BTC: variants seen among roughly 807,000 people sequenced by gnomAD.
The protein encoded by BTC is betacellulin, also known as probetacellulin.
Under a neutral mutation model 18.1 loss-of-function variants are expected in BTC, and 13 were observed. The observed-to-expected ratio is 0.72, with a 90% CI of 0.47 to 1.14. The LOEUF (loss-of-function observed/expected upper bound fraction) is 1.14, where lower values mean the gene tolerates loss of function less well. BTC is among the 50% of genes most tolerant of loss of function. The pLI, the probability that BTC is intolerant of heterozygous loss-of-function variation, is 0.00. For synonymous variants in BTC, 83 were observed against 79.4 expected, an observed-to-expected ratio of 1.05 and a Z score of -0.24; for missense variants, 247 against 224.2, an observed-to-expected ratio of 1.10 and a Z score of -0.65.
rs574312284 is a variant in BTC, at chr4:74,794,310, G to A, written c.16C>T (p.Arg6Trp). The change falls in exon 1 of 6, where the codon CGG (arginine) becomes TGG (tryptophan). Residue 6 changes from arginine (R) to tryptophan (W), a missense_variant. Physicochemically the swap from Arg to Trp is moderately radical, Grantham distance 101. Transcript: ENST00000395743. MDRAARCSGASSLPLL... is the reference protein window; with the variant it reads MDRAAWCSGASSLPLL... Reference sequence around the variant, plus strand: ...GGCAGGGAGCTGGCGCCGCTGCACCGGGCGGCCCGGTCCATCAACCCCGCT... The same window carrying A: ...GGCAGGGAGCTGGCGCCGCTGCACCAGGCGGCCCGGTCCATCAACCCCGCT... 5.2e-6 allele frequency: 8 copies of A among 1,547,496 alleles called. No homozygotes were observed. Among genetic ancestry groups the A allele is most frequent in the Admixed American group, 2.0e-5 (1 of 50,862 alleles).
At chr4:74,787,356 T>C (rs928527466) in intron 1 of BTC, among the ~76,000 whole-genome samples, 1 of 152,206 alleles carries the variant, frequency 6.6e-6, no homozygotes, top group East Asian at 1.9e-4. Context: ...TTCATGGTTA[T>C]TTGACCTTGT....
chr4:74,780,916 A>G (rs1403816476), intron 1 of BTC, among the ~76,000 whole-genome samples: 2 of 144,558 alleles, frequency 1.4e-5, no homozygotes, highest in Admixed American at 1.4e-4. Flanking sequence ...TTTTAATTTT[A>G]TTATTATTAT....
intron 4 of BTC, among the ~76,000 whole-genome samples, chr4:74,748,746 T>C (rs1357808450): frequency 6.6e-6 from 1 of 152,174 alleles, no homozygotes; most frequent in Non-Finnish European, 1.5e-5. Context: ...ACACGTAGTG[T>C]AAAAGAAACA....
intron 2 of BTC, among the ~76,000 whole-genome samples, chr4:74,766,104 A>G (rs1226369635): frequency 3.3e-5 from 5 of 152,116 alleles, no homozygotes; most frequent in South Asian, 2.1e-4. Flanking sequence ...TGCAAATAGT[A>G]TATCTGTATA....
chr4:74,772,656 A>G (rs1401898096), intron 1 of BTC, among the ~76,000 whole-genome samples: 1 of 152,004 alleles, frequency 6.6e-6, no homozygotes, highest in Non-Finnish European at 1.5e-5. Context: ...TGAGAACAAA[A>G]AAAAAAAAAA....
At chr4:74,746,918 A>G (rs1225135812) in intron 5 of BTC, among the ~76,000 whole-genome samples, 1 of 152,218 alleles carries the variant, frequency 6.6e-6, no homozygotes, top group Non-Finnish European at 1.5e-5. Flanking sequence ...CTCATACTGG[A>G]TGTAAACGAG....
chr4:74,760,202 G>A (rs1170069216), intron 2 of BTC, among the ~76,000 whole-genome samples: 2 of 152,146 alleles, frequency 1.3e-5, no homozygotes, highest in African/African-American at 2.4e-5. Flanking sequence ...AATGGTTATA[G>A]CCTTATAGTA....
chr4:74,759,093 A>G (rs192537405), intron 2 of BTC, among the ~76,000 whole-genome samples: 3 of 152,168 alleles, frequency 2.0e-5, no homozygotes, highest in African/African-American at 7.2e-5. Flanking sequence ...GTATTCATCA[A>G]GTTCATGTTA....
At chr4:74,792,008 A>ACAC (rs1560728322) in intron 1 of BTC, among the ~76,000 whole-genome samples, 1,797 of 105,382 alleles carry the variant, frequency 0.017, 14 homozygotes, top group East Asian at 0.032. Flanking sequence ...CACACACACA[A>ACAC]ACACTAGTGT....
Position 74,755,897 on chromosome 4 carries a change from T to C in BTC, c.243A>G (p.Arg81=). ...KQYKHYCIKG[R]CRFVVAEQTP... The stretch of plus-strand genomic sequence containing the variant: ...TCTGCTCGGCCACCACGAAGCGGCA[T>C]CTCCCTTTGATGCAGTAATGCTTGT... Residue 81 remains arginine (R), a synonymous_variant, in exon 3 of 6, where the codon AGA becomes AGG. Coordinates refer to ENST00000395743, the MANE Select transcript of BTC (RefSeq NM_001729.4). 6.2e-7 allele frequency: 1 copy of C among 1,614,176 alleles called. No individual in the cohort carries two copies. The highest frequency in any genetic ancestry group is 8.5e-7 in the Non-Finnish European group (1 of 1,180,010).
chr4:74,756,535 C>G (rs1366139642), intron 2 of BTC, among the ~76,000 whole-genome samples: 1 of 152,182 alleles, frequency 6.6e-6, no homozygotes, highest in Non-Finnish European at 1.5e-5. Context: ...CAAGATCACA[C>G]AGATAGAAAG....
intron 1 of BTC, among the ~76,000 whole-genome samples, chr4:74,776,165 T>C (rs1192526125): frequency 6.9e-6 from 1 of 145,374 alleles, no homozygotes; most frequent in African/African-American, 2.8e-5. Flanking sequence ...TAGCTCTGTT[T>C]TGTGGCATTT....
rs572943104 is a variant in BTC, at chr4:74,745,647, T to A, written c.*1030A>T. ...CAAAATTTACCTGAGAGCAATCATA[T>A]ATGCTGTCATCAAGAACATAAATGA... On this transcript the variant is annotated 3_prime_UTR_variant, in exon 6 of 6. Coordinates refer to ENST00000395743, the MANE Select transcript of BTC (RefSeq NM_001729.4). 2 of 152,280 alleles carry A rather than the reference T, an allele frequency of 1.3e-5. No homozygotes were observed. Among genetic ancestry groups the A allele is most frequent in the East Asian group, 3.9e-4 (2 of 5,180 alleles). 9.4% of individuals were successfully genotyped at this position (152,280 alleles called of 1,614,324 possible).
intron 2 of BTC, among the ~76,000 whole-genome samples, chr4:74,769,772 G>T (rs1052923266): frequency 6.6e-6 from 1 of 152,138 alleles, no homozygotes; most frequent in Non-Finnish European, 1.5e-5. Context: ...CTGACTGGAG[G>T]CTCTAGAATC....
At chr4:74,784,541 G>C (rs1230967235) in intron 1 of BTC, among the ~76,000 whole-genome samples, 1 of 152,148 alleles carries the variant, frequency 6.6e-6, no homozygotes, top group South Asian at 2.1e-4. Context: ...TGCCCATTCA[G>C]TATGATACCG....
intron 1 of BTC, among the ~76,000 whole-genome samples, chr4:74,785,026 T>G (rs1184546090): frequency 1.3e-5 from 2 of 152,188 alleles, no homozygotes; most frequent in Non-Finnish European, 2.9e-5. Context: ...GTACCTCTGG[T>G]AGAATTCAGC....
chr4:74,749,983 C>T (rs542436628), intron 4 of BTC, among the ~76,000 whole-genome samples: 1 of 150,970 alleles, frequency 6.6e-6, no homozygotes, highest in African/African-American at 2.4e-5. Context: ...GTATTCCCCG[C>T]TACTCAGGAG....
intron 1 of BTC, among the ~76,000 whole-genome samples, chr4:74,780,445 C>T (rs1725288885): frequency 6.6e-6 from 1 of 152,090 alleles, no homozygotes; most frequent in Admixed American, 6.6e-5. Context: ...CTCAACCAAA[C>T]TTACAATCAC....
rs573639023 is a variant in BTC at position 74,791,234 on chromosome 4, C to T, written c.64+3028G>A. Reference sequence around the variant, plus strand: ...GCGAGTGCCTGTTGTCCCAGCTACTCGAGAGGCTGAGACAGGAGAGTCACT... The same window carrying T: ...GCGAGTGCCTGTTGTCCCAGCTACTTGAGAGGCTGAGACAGGAGAGTCACT... On this transcript the variant is annotated intron_variant, in intron 1 of 5. Transcript: ENST00000395743. 5.3e-5 allele frequency among the ~76,000 whole-genome samples: 8 copies of T among 152,140 alleles called. No homozygotes were observed. The South Asian group carries it at 6.2e-4, about 12-fold the overall frequency.
Sources: gnomAD v4.1 joint callset for allele counts (sites outside exome capture counted in the v4.1 genomes callset) on GRCh38, gnomAD v4.1.1 for gene constraint, MANE v1.5 for transcripts, NCBI Gene and HGNC (gene_info 2026-07-23, HGNC 2026-07-21) for gene names.